Variants in KCNT1 observed in about 807,000 individuals in gnomAD.
The protein encoded by KCNT1 is potassium sodium-activated channel subfamily T member 1.
Under a neutral mutation model 147.8 loss-of-function variants are expected in KCNT1, and 78 were observed. The observed-to-expected ratio is 0.53, with a 90% confidence interval of 0.44 to 0.64. The LOEUF is 0.64. KCNT1 is among the 30% of genes least tolerant of loss of function. The probability of loss-of-function intolerance (pLI) is 0.00; values close to 1 mark genes in which losing one functional copy is unlikely to be tolerated. For synonymous variants in KCNT1, 867 were observed against 748.8 expected, an observed-to-expected ratio of 1.16 and a Z score of -2.58; for missense variants, 1,419 against 1,750.3, an observed-to-expected ratio of 0.81 and a Z score of 3.38.
At chr9:135,724,416 TGTG>T (rs1836046415) in intron 2 of KCNT1, among the ~76,000 whole-genome samples, 1 of 152,210 alleles carries the variant, frequency 6.6e-6, no homozygotes. Context: ...GGCACAGCCT[TGTG>T]GTGGCCAGAG....
chr9:135,759,908 C>T (rs757233981), intron 11 of KCNT1, 49 bp downstream of exon 11: 35 of 1,519,158 alleles, frequency 2.3e-5, no homozygotes, highest in Admixed American at 1.1e-4. Flanking sequence ...AAGGGACAGG[C>T]GGGTGCCAGT....
intron 13 of KCNT1, among the ~76,000 whole-genome samples, chr9:135,766,101 GTGGACCATTCAGGGTAGACCTTCTGGGA>G (rs1378463800): frequency 2.0e-5 from 3 of 152,006 alleles, no homozygotes; most frequent in South Asian, 2.1e-4. Context: ...ACTGTCTGGG[GTGGACCATTCAGGGTAGACCTTCTGGGA>G]TGGACCATTT....
In KCNT1 at chr9:135,774,846, C is replaced by T. The variant is rs547097672; in HGVS notation, c.2244-464C>T. Among the ~76,000 whole-genome samples, 17 of 151,820 alleles carry T rather than the reference C, an allele frequency of 1.1e-4. No individual in the cohort carries two copies. In the East Asian group the frequency reaches 3.3e-3, roughly 29 times the overall value. ...CCAGGTGAGGGGTGAGCCCCACCGC[C>T]ACCCCCTTCCACACCTGGGTGAGGG... On this transcript the variant is annotated intron_variant, in intron 19 of 30. Transcript: ENST00000371757.
In KCNT1 at chr9:135,725,160, C is replaced by T. The variant is rs140210662; in HGVS notation, c.254+10440C>T. ...CAGGAAAACGGAGTCCTCAGAAGGG[C>T]GGGGCCTGTCGAGGGCCACACAGCT... On this transcript the variant is annotated intron_variant, in intron 2 of 30. Transcript: ENST00000371757. Among the ~76,000 whole-genome samples the T allele has an allele frequency of 3.0e-3, 450 of 151,778 alleles. 3 individuals are homozygous for T. The highest frequency in any genetic ancestry group is 0.01 in the African/African-American group (431 of 41,396).
Position 135,792,086 on chromosome 9 carries a change from C to A in KCNT1, c.3633C>A (p.Ser1211=). The A allele has an allele frequency of 6.2e-7, 1 of 1,604,450 alleles. No homozygotes were observed. Among genetic ancestry groups the A allele is most frequent in the South Asian group, 1.1e-5 (1 of 90,920 alleles). ...CCCTGGCTCACGTGGCCAGCAGCTC[C>A]CAGAGCCGGAAGAGCAGCTGCAGCC... ...SDPLAHVASS[S]QSRKSSCSHK... The change falls in exon 31 of 31, where the codon TCC becomes TCA. Residue 1211 remains serine (S), a synonymous_variant. Transcript: ENST00000371757.
In KCNT1 at chr9:135,778,724, G is replaced by A. The variant is rs761157491; in HGVS notation, c.2631G>A (p.Ala877=). 5.0e-6 allele frequency: 8 copies of A among 1,613,616 alleles called. No homozygotes were observed. The highest frequency in any genetic ancestry group is 1.7e-5 in the Admixed American group (1 of 59,994). The stretch of plus-strand genomic sequence containing the variant: ...TGCTGCAGTGTGGCATCATCTATGC[G>A]GACAACCTGGTGGTGGTGGACAAGG... The part of the protein sequence containing the change: ...DSLLQCGIIY[A]DNLVVVDKES... The change falls in exon 23 of 31, where the codon GCG becomes GCA. Residue 877 remains alanine, a synonymous_variant. Coordinates refer to ENST00000371757, the MANE Select transcript of KCNT1 (RefSeq NM_020822.3).
chr9:135,788,627 G>C (rs1175006376), intron 29 of KCNT1, among the ~76,000 whole-genome samples: 1 of 152,184 alleles, frequency 6.6e-6, no homozygotes, highest in East Asian at 1.9e-4. Flanking sequence ...GGAGGAGCTC[G>C]GTGAAGCCTG....
In KCNT1 at chr9:135,758,498, G is replaced by T; in HGVS notation, c.844G>T (p.Val282Phe). The change falls in exon 10 of 31, where the codon GTT becomes TTT. Residue 282 changes from valine to phenylalanine, a missense_variant. Transcript: ENST00000371757. ...CCTCTTCTGCACCCTGCTGTGCCTCGTTTTCACGGGGTGAGTGCCGGCCGT... is the reference window on the plus strand; with the variant it reads ...CCTCTTCTGCACCCTGCTGTGCCTCTTTTTCACGGGGTGAGTGCCGGCCGT... ...LILFCTLLCL[V>F]FTGTCGIQHL... 6.2e-7 allele frequency: 1 copy of T among 1,613,350 alleles called. No homozygotes were observed. Among genetic ancestry groups the T allele is most frequent in the Non-Finnish European group, 8.5e-7 (1 of 1,179,834 alleles).
intron 1 of KCNT1, among the ~76,000 whole-genome samples, chr9:135,704,254 T>C (rs1182341259): frequency 6.6e-6 from 1 of 152,108 alleles, no homozygotes; most frequent in East Asian, 1.9e-4. Flanking sequence ...GCCTCTGTCT[T>C]TCCTGGGTGC....
chr9:135,780,411 C>T (rs72770397), intron 24 of KCNT1, among the ~76,000 whole-genome samples: 16,397 of 152,228 alleles, frequency 0.11, 1,216 homozygotes, highest in South Asian at 0.18. Flanking sequence ...AGAGGACACA[C>T]ACGGGCACTC....
intron 29 of KCNT1, chr9:135,790,836 G>A (rs1398565011): frequency 6.6e-6 from 1 of 152,308 alleles, no homozygotes; most frequent in Non-Finnish European, 1.5e-5. Flanking sequence ...GACACCATCA[G>A]ATGGATAAAC....
chr9:135,775,706 A>G (rs1340431263), intron 20 of KCNT1, among the ~76,000 whole-genome samples: 4 of 151,978 alleles, frequency 2.6e-5, no homozygotes, highest in Non-Finnish European at 5.9e-5. Flanking sequence ...CCCCTAATAC[A>G]TCTACATGCG....
intron 2 of KCNT1, among the ~76,000 whole-genome samples, chr9:135,717,924 C>T (rs1835782613): frequency 6.6e-6 from 1 of 152,180 alleles, no homozygotes; most frequent in African/African-American, 2.4e-5. Flanking sequence ...CTCATGACCC[C>T]GATGCTGGAA....
At chr9:135,746,996 G>A (rs1469351492) in intron 2 of KCNT1, among the ~76,000 whole-genome samples, 2 of 152,078 alleles carry the variant, frequency 1.3e-5, no homozygotes, top group Admixed American at 1.3e-4. Context: ...CTCGGGGAGG[G>A]GGAGCCGGTG....
Position 135,702,298 on chromosome 9 carries a change from T to A in KCNT1, c.40T>A (p.Cys14Ser). Residue 14 changes from cysteine to serine, a missense_variant, in exon 1 of 31, where the codon TGC (cysteine) becomes AGC (serine). By Grantham distance (112) the Cys-to-Ser change is moderately radical (BLOSUM62 -1). Around this residue, in one of 5 missense-constraint regions of KCNT1, gnomAD observed 181 missense variants for 155.7 expected, o/e 1.16. Transcript: ENST00000371757. ...PDGARTPGGV[C>S]REARGGGYTN... ...CGGGGCGCGGACCCCGGGGGGCGTC[T>A]GCCGGGAGGCGCGCGGCGGGGGCTA... is the stretch of plus-strand genomic sequence containing the variant. 1 of 1,609,246 alleles carries A rather than the reference T, an allele frequency of 6.2e-7. No individual in the cohort carries two copies. Among genetic ancestry groups the A allele is most frequent in the Non-Finnish European group, 8.5e-7 (1 of 1,178,154 alleles).
intron 5 of KCNT1, among the ~76,000 whole-genome samples, 193 bp from the exon 6 acceptor site, chr9:135,754,928 C>T (rs1196976407): frequency 6.6e-6 from 1 of 152,198 alleles, no homozygotes; most frequent in African/African-American, 2.4e-5. Context: ...CCATCCTCCT[C>T]TCTTGGGGAA....
intron 2 of KCNT1, among the ~76,000 whole-genome samples, chr9:135,723,519 G>A (rs180794655): frequency 6.6e-6 from 1 of 152,220 alleles, no homozygotes; most frequent in South Asian, 2.1e-4. Context: ...TGAGCGTGTG[G>A]CTCCCGAAGG....
chr9:135,791,239 G>C (rs533948403), intron 29 of KCNT1: 1 of 154,240 alleles, frequency 6.5e-6, no homozygotes, highest in Non-Finnish European at 1.4e-5. Flanking sequence ...CTCTGGAGGC[G>C]GGGGTGGGGG....
At chr9:135,740,372 C>G (rs547112174) in intron 2 of KCNT1, among the ~76,000 whole-genome samples, 1 of 152,316 alleles carries the variant, frequency 6.6e-6, no homozygotes, top group Admixed American at 6.5e-5. Context: ...CCCCTCTTCC[C>G]CAAAGCATCT....
Sources: gnomAD v4.1 joint callset for allele counts (sites outside exome capture counted in the v4.1 genomes callset) on GRCh38, gnomAD v4.1.1 for gene constraint, gnomAD v4.1.1 regional missense constraint, MANE v1.5 for transcripts, NCBI Gene and HGNC (gene_info 2026-07-23, HGNC 2026-07-21) for gene names.